The following CHN2 variants were observed in gnomAD, a reference collection of about 807,000 sequenced individuals.
The protein encoded by CHN2 is chimerin 2, also known as beta-chimaerin.
A neutral mutation model predicts 56.3 loss-of-function variants in CHN2; 35 were observed. The ratio of observed to expected loss-of-function variants is 0.62; its 90% CI spans 0.47 to 0.82. The LOEUF is 0.82. Among genes scored for constraint, CHN2 ranks in the 40% least tolerant of loss-of-function variants. CHN2 has a pLI of 0.00. For missense variants in CHN2, 491 were observed against 580.5 expected (o/e 0.85, Z 1.58); for synonymous variants, 210 against 212.8 (o/e 0.99, Z 0.12).
rs750488582 is a variant in CHN2 at position 29,197,902 on chromosome 7, T to C, written c.49+2912T>C. On this transcript the variant is annotated intron_variant, in intron 1 of 12. Coordinates refer to ENST00000222792, the MANE Select transcript of CHN2 (RefSeq NM_004067.4). ...GTCATATGAGTTGGGCCTTGAAAGC[T>C]GAGTAGAATTTTTCCGGAAAACAAA... is the stretch of plus-strand genomic sequence containing the variant. The C allele has an allele frequency of 2.7e-4, 122 of 456,082 alleles. 1 individual carries two copies. Among genetic ancestry groups the C allele is most frequent in the Non-Finnish European group, 4.6e-4 (104 of 226,952 alleles). 28.3% of individuals were successfully genotyped at this position (456,082 alleles called of 1,614,324 possible).
chr7:29,259,107 C>T (rs750837513), intron 1 of CHN2, among the ~76,000 whole-genome samples: 7 of 151,504 alleles, frequency 4.6e-5, no homozygotes, highest in Non-Finnish European at 8.8e-5. Flanking sequence ...GCATGCAGAT[C>T]ACTTGAACCC....
intron 1 of CHN2, among the ~76,000 whole-genome samples, chr7:29,216,668 T>A (rs568920686): frequency 6.6e-6 from 1 of 152,246 alleles, no homozygotes; most frequent in African/African-American, 2.4e-5. Flanking sequence ...AAATTTAAGG[T>A]AGTGGAAACC....
chr7:29,301,450 A>G (rs1489893671), intron 1 of CHN2, among the ~76,000 whole-genome samples: 1 of 151,900 alleles, frequency 6.6e-6, no homozygotes, highest in Admixed American at 6.6e-5. Flanking sequence ...GCCCTAAAAG[A>G]GGATCCCAGA....
chr7:29,339,407 C>A (rs1001029419), intron 1 of CHN2, among the ~76,000 whole-genome samples: 1 of 151,968 alleles, frequency 6.6e-6, no homozygotes, highest in African/African-American at 2.4e-5. Context: ...ACTGAAACCC[C>A]GAGCTATGCC....
Position 29,407,372 on chromosome 7 carries a change from C to T in CHN2, c.576+6544C>T, listed in dbSNP as rs7799913. On this transcript the variant is annotated intron_variant, in intron 6 of 12. Coordinates refer to ENST00000222792, the MANE Select transcript of CHN2 (RefSeq NM_004067.4). The stretch of plus-strand genomic sequence containing the variant: ...GGTGGAGAGGCTTGGTGACTTCATT[C>T]AGGACAGTAGATTCAAACATAGTGT... Among the ~76,000 whole-genome samples the T allele has an allele frequency of 2.0e-5, 3 of 151,874 alleles. No individual in the cohort carries two copies. The East Asian group carries it at 5.8e-4, about 30-fold the overall frequency.
intron 1 of CHN2, among the ~76,000 whole-genome samples, chr7:29,344,850 A>T (rs1379570647): frequency 6.6e-6 from 1 of 152,136 alleles, no homozygotes; most frequent in East Asian, 1.9e-4. Flanking sequence ...AGCCTTCCAA[A>T]GGCTGAGGAG....
At chr7:29,160,470 C>A (rs1011401030) in intron 2 of CHN2, among the ~76,000 whole-genome samples, 2 of 152,184 alleles carry the variant, frequency 1.3e-5, no homozygotes, top group African/African-American at 4.8e-5. Context: ...CCTAGTCAGT[C>A]ATGGCTACCC....
chr7:29,472,295 A>ACACACG (rs942052419), intron 6 of CHN2, among the ~76,000 whole-genome samples: 1 of 149,738 alleles, frequency 6.7e-6, no homozygotes, highest in African/African-American at 2.5e-5. Context: ...ACACACACAC[A>ACACACG]CACGCACACA....
At chr7:29,213,154 C>T (rs1159120803) in intron 1 of CHN2, 3 of 1,485,634 alleles carry the variant, frequency 2.0e-6, no homozygotes, top group Non-Finnish European at 2.8e-6. Flanking sequence ...TATTTTAGTA[C>T]TCCACAAACC....
chr7:29,363,101 T>TAC (rs1463243208), intron 2 of CHN2, among the ~76,000 whole-genome samples: 3 of 152,170 alleles, frequency 2.0e-5, no homozygotes, highest in Non-Finnish European at 4.4e-5. Flanking sequence ...TGACTCCTGT[T>TAC]ACACACACAC....
At chr7:29,425,841 T>G (rs1804806996) in intron 6 of CHN2, among the ~76,000 whole-genome samples, 1 of 152,194 alleles carries the variant, frequency 6.6e-6, no homozygotes, top group Non-Finnish European at 1.5e-5. Context: ...CCTGAGAATT[T>G]GCTGTACATA....
intron 1 of CHN2, chr7:29,195,358 C>A: frequency 4.1e-6 from 1 of 246,734 alleles, no homozygotes; most frequent in South Asian, 1.1e-4. Flanking sequence ...GCGCCCCGAC[C>A]TGTTTGCCGT....
At chr7:29,460,206 A>T (rs1051181756) in intron 6 of CHN2, among the ~76,000 whole-genome samples, 12 of 152,334 alleles carry the variant, frequency 7.9e-5, no homozygotes, top group African/African-American at 2.9e-4. Flanking sequence ...TTAGGGAACC[A>T]CTGCATTATT....
intron 2 of CHN2, among the ~76,000 whole-genome samples, chr7:29,189,751 G>C (rs1782648974): frequency 1.3e-5 from 2 of 151,876 alleles, no homozygotes; most frequent in Admixed American, 1.3e-4. Flanking sequence ...CGGATGGCAT[G>C]CCTTAAGTGC....
intron 4 of CHN2, among the ~76,000 whole-genome samples, chr7:29,394,366 G>GA (rs1801580440): frequency 6.6e-6 from 1 of 152,226 alleles, no homozygotes; most frequent in African/African-American, 2.4e-5. Context: ...CGGGCCAGGG[G>GA]AGAGGAGATG....
intron 1 of CHN2, among the ~76,000 whole-genome samples, chr7:29,348,899 G>A (rs776025565): frequency 1.3e-5 from 2 of 152,104 alleles, no homozygotes; most frequent in South Asian, 2.1e-4. Flanking sequence ...ATCAGGTATA[G>A]CAAGCCTTAA....
intron 1 of CHN2, among the ~76,000 whole-genome samples, chr7:29,341,476 G>C (rs986225): frequency 0.24 from 37,163 of 152,022 alleles, 4,910 homozygotes; most frequent in Non-Finnish European, 0.3. Flanking sequence ...CACTGTATCT[G>C]TATAAATAGA....
At chr7:29,188,026 G>A (rs1309405850) in intron 2 of CHN2, among the ~76,000 whole-genome samples, 1 of 152,206 alleles carries the variant, frequency 6.6e-6, no homozygotes, top group East Asian at 1.9e-4. Context: ...TGGCTCCTAT[G>A]TCTTAATATA....
chr7:29,435,566 A>G (rs1334744190), intron 6 of CHN2, among the ~76,000 whole-genome samples: 4 of 152,216 alleles, frequency 2.6e-5, no homozygotes, highest in Admixed American at 2.6e-4. Context: ...TCTGGGGGCA[A>G]CTATAACACA....
Sources: gnomAD v4.1 joint callset for allele counts (sites outside exome capture counted in the v4.1 genomes callset) on GRCh38, gnomAD v4.1.1 for gene constraint, MANE v1.5 for transcripts, NCBI Gene and HGNC (gene_info 2026-07-23, HGNC 2026-07-21) for gene names.